Variants in ERI1 observed in about 807,000 individuals in gnomAD.
The protein encoded by ERI1 is exoribonuclease 1.
Under a neutral mutation model 39.7 loss-of-function variants are expected in ERI1, and 39 were observed. The observed-to-expected ratio is 0.98, with a 90% CI of 0.76 to 1.28. The LOEUF is 1.28. Among genes scored for constraint, ERI1 ranks in the 50% most tolerant of loss-of-function variants. The pLI is 0.00. For synonymous variants in ERI1, 204 were observed against 149.6 expected, an observed-to-expected ratio of 1.36 and a Z score of -2.65; for missense variants, 581 against 416.9, an observed-to-expected ratio of 1.39 and a Z score of -3.43.
chr8:9,015,159 T>C (rs186179940), intron 3 of ERI1, among the ~76,000 whole-genome samples: 54 of 152,314 alleles, frequency 3.5e-4, no homozygotes, highest in African/African-American at 1.1e-3. Flanking sequence ...TTTTGTTCTT[T>C]ACTGTTGCTC....
At chr8:9,093,907 A>G (rs185836694) in intron 3 of ERI1, among the ~76,000 whole-genome samples, 7 of 152,314 alleles carry the variant, frequency 4.6e-5, no homozygotes, top group Admixed American at 4.6e-4. Context: ...TTGTCAATGG[A>G]AGAGCTAGGT....
chr8:9,054,334 T>A (rs1479317668), intron 3 of ERI1, among the ~76,000 whole-genome samples: 1 of 152,236 alleles, frequency 6.6e-6, no homozygotes, highest in Non-Finnish European at 1.5e-5. Flanking sequence ...TTTGTAGGAT[T>A]CAGCTTTCCT....
intron 3 of ERI1, among the ~76,000 whole-genome samples, chr8:9,093,494 A>C (rs1393112582): frequency 1.6e-4 from 23 of 141,746 alleles, no homozygotes; most frequent in African/African-American, 6.5e-4. Flanking sequence ...GGAAGGGAAG[A>C]CCTTGTCTCT....
chr8:9,008,339 G>A (rs1186205159), intron 2 of ERI1, among the ~76,000 whole-genome samples, 191 bp downstream of exon 2: 1 of 152,056 alleles, frequency 6.6e-6, no homozygotes, highest in Non-Finnish European at 1.5e-5. Flanking sequence ...TAGATGATAG[G>A]ACTGCTGAAT....
intron 2 of ERI1, among the ~76,000 whole-genome samples, chr8:9,010,719 T>A (rs113634734): frequency 0.017 from 2,614 of 152,322 alleles, 69 homozygotes; most frequent in South Asian, 0.092. Flanking sequence ...GAAGCCTGAA[T>A]GCTGGTTGCA....
chr8:9,021,434 G>T (rs182163151), intron 6 of ERI1, among the ~76,000 whole-genome samples: 25 of 152,176 alleles, frequency 1.6e-4, no homozygotes, highest in African/African-American at 5.1e-4. Flanking sequence ...TCCCTTTACA[G>T]TTTCATTTTG....
At chr8:9,021,808 C>G (rs1277169142) in intron 6 of ERI1, among the ~76,000 whole-genome samples, 1 of 131,752 alleles carries the variant, frequency 7.6e-6, no homozygotes, top group African/African-American at 3.0e-5. Context: ...TGCTTGAGAT[C>G]CATCCACGTC....
At chr8:9,004,940 G>C (rs1204219553) in intron 1 of ERI1, among the ~76,000 whole-genome samples, 2 of 151,932 alleles carry the variant, frequency 1.3e-5, no homozygotes, top group South Asian at 2.1e-4. Flanking sequence ...CGCCCACCTC[G>C]GCCTCCCAAA....
chr8:9,017,124 C>G lies in ERI1; in HGVS notation c.582+719C>G, dbSNP rs150374494. 9.9e-3 allele frequency among the ~76,000 whole-genome samples: 1,508 copies of G among 152,288 alleles called. 26 individuals are homozygous for G. Among genetic ancestry groups the G allele is most frequent in the African/African-American group, 0.035 (1,453 of 41,572 alleles). On this transcript the variant is annotated intron_variant, in intron 4 of 6. Transcript: ENST00000250263. Reference sequence around the variant, plus strand: ...GCACGATCTTGGCTCACTGCAACCTCTGCCTCCCAGGTTCAAGCGATTCTC... The same window carrying G: ...GCACGATCTTGGCTCACTGCAACCTGTGCCTCCCAGGTTCAAGCGATTCTC...
chr8:9,080,745 C>T (rs1006124455), intron 3 of ERI1, among the ~76,000 whole-genome samples: 1 of 152,142 alleles, frequency 6.6e-6, no homozygotes, highest in African/African-American at 2.4e-5. Context: ...TTTGCCCCTC[C>T]CCCAAGGCAC....
intron 3 of ERI1, among the ~76,000 whole-genome samples, chr8:9,066,819 G>A (rs1412997150): frequency 6.6e-6 from 1 of 152,118 alleles, no homozygotes; most frequent in African/African-American, 2.4e-5. Flanking sequence ...CTCTGTGGTG[G>A]CTTCTATTTT....
At chr8:9,034,915 A>C (rs1281570782), downstream of ERI1, among the ~76,000 whole-genome samples, 2 of 152,236 alleles carry the variant, frequency 1.3e-5, no homozygotes, top group African/African-American at 4.8e-5. Flanking sequence ...ATAAGAAAGC[A>C]AAACAGCCTT....
At chr8:9,012,898 A>C (rs924146198) in intron 3 of ERI1, among the ~76,000 whole-genome samples, 1 of 148,880 alleles carries the variant, frequency 6.7e-6, no homozygotes, top group Non-Finnish European at 1.5e-5. Context: ...CATTCTCTCA[A>C]ATTTATACCA....
intron 3 of ERI1, among the ~76,000 whole-genome samples, chr8:9,014,473 G>C (rs1295854269): frequency 6.6e-6 from 1 of 152,130 alleles, no homozygotes; most frequent in Non-Finnish European, 1.5e-5. Flanking sequence ...TTCCTGAGTA[G>C]CTGGGATTAC....
At chr8:9,046,843 G>T (rs1026623243) in intron 3 of ERI1, among the ~76,000 whole-genome samples, 2 of 152,152 alleles carry the variant, frequency 1.3e-5, no homozygotes, top group Non-Finnish European at 2.9e-5. Context: ...CCTCCCCTTG[G>T]GAAGAGGAAA....
chr8:9,005,293 A>G (rs1217260502), intron 1 of ERI1, among the ~76,000 whole-genome samples: 3 of 152,124 alleles, frequency 2.0e-5, no homozygotes, highest in Non-Finnish European at 4.4e-5. Context: ...AATGTTCTCT[A>G]TACAGAAAAA....
rs1018824117 is a variant in ERI1, at chr8:9,085,791, C to T, written n.300-30557C>T. 2.0e-5 allele frequency among the ~76,000 whole-genome samples: 3 copies of T among 152,000 alleles called. No homozygotes were observed. In the East Asian group the frequency reaches 5.8e-4, roughly 29 times the overall value. ...GACGCTAATTTATAACAAAGTATAG[C>T]TGTTGGGATTGGTGTCCATAAAATG... On this transcript the variant is annotated intron_variant and non_coding_transcript_variant, in intron 3 of 3. Coordinates refer to the ERI1 transcript ENST00000518663.
At chr8:9,035,410 A>C (rs1369284039), downstream of ERI1, among the ~76,000 whole-genome samples, 5 of 152,218 alleles carry the variant, frequency 3.3e-5, no homozygotes, top group Non-Finnish European at 7.3e-5. Flanking sequence ...GTCAGTGTTC[A>C]TTAACCATTC....
chr8:9,062,731 G>A (rs1434641969), intron 3 of ERI1: 4 of 151,586 alleles, frequency 2.6e-5, no homozygotes, highest in Non-Finnish European at 5.9e-5. Context: ...CTGGGAAGGA[G>A]TCAGTCAGAG....
Sources: gnomAD v4.1 joint callset for allele counts (sites outside exome capture counted in the v4.1 genomes callset) on GRCh38, gnomAD v4.1.1 for gene constraint, MANE v1.5 for transcripts, NCBI Gene and HGNC (gene_info 2026-07-23, HGNC 2026-07-21) for gene names.